Variants in PARD3 observed in about 807,000 individuals in gnomAD.
PARD3 encodes the protein partitioning defective 3 homolog.
PARD3 carries 75 observed loss-of-function variants against 155.4 expected under a neutral mutation model. The observed-to-expected ratio is 0.48, with a 90% CI of 0.40 to 0.58. The LOEUF (loss-of-function observed/expected upper bound fraction) is 0.58. Among genes scored for constraint, PARD3 ranks in the 20% least tolerant of loss-of-function variants. The pLI is 0.00. For missense variants in PARD3, 1,642 were observed against 1,721.7 expected, an observed-to-expected ratio of 0.95 and a Z score of 0.82; for synonymous variants, 576 against 610.5, an observed-to-expected ratio of 0.94 and a Z score of 0.83.
At chr10:34,353,724 T>TA (rs201785915) in intron 14 of PARD3, among the ~76,000 whole-genome samples, 1 of 147,800 alleles carries the variant, frequency 6.8e-6, no homozygotes, top group Non-Finnish European at 1.5e-5. Context: ...AATAAATAAA[T>TA]AAAAAAATAA....
chr10:34,622,510 A>G lies in PARD3; in HGVS notation c.222+73808T>C, dbSNP rs1011967466. ...CACAGGTTCAAAAATATTTGTCACA[A>G]GAGAAGTTATTCCCTCCTTGATGGT... On this transcript the variant is annotated intron_variant, in intron 2 of 24. Transcript: ENST00000374788. Among the ~76,000 whole-genome samples, 4 of 152,234 alleles carry G rather than the reference A, an allele frequency of 2.6e-5. No individual in the cohort carries two copies. In the South Asian group the frequency reaches 8.3e-4, roughly 32 times the overall value.
intron 3 of PARD3, among the ~76,000 whole-genome samples, chr10:34,490,012 A>T (rs1269934599): frequency 6.6e-6 from 1 of 152,154 alleles, no homozygotes; most frequent in East Asian, 1.9e-4. Context: ...ACATGCTCCT[A>T]TCCAGTATGC....
chr10:34,396,478 A>T (rs1057217759), intron 7 of PARD3, among the ~76,000 whole-genome samples: 2 of 152,196 alleles, frequency 1.3e-5, no homozygotes, highest in African/African-American at 4.8e-5. Flanking sequence ...ATTTTCCTTA[A>T]TGACATTTGA....
chr10:34,627,452 T>C (rs1431180682), intron 2 of PARD3, among the ~76,000 whole-genome samples: 1 of 152,150 alleles, frequency 6.6e-6, no homozygotes, highest in East Asian at 1.9e-4. Context: ...TTAATTAAGT[T>C]AAAATGAGGT....
At chr10:34,128,629 G>A (rs1299259351) in intron 23 of PARD3, among the ~76,000 whole-genome samples, 1 of 152,044 alleles carries the variant, frequency 6.6e-6, no homozygotes. Context: ...GTTGTTTAAG[G>A]GCCAACGGTA....
At chr10:34,194,991 T>G (rs1950877541) in intron 22 of PARD3, among the ~76,000 whole-genome samples, 2 of 152,236 alleles carry the variant, frequency 1.3e-5, no homozygotes, top group Non-Finnish European at 2.9e-5. Flanking sequence ...AAGCCTGTCC[T>G]GATTTTGTAC....
At chr10:34,591,711 C>T (rs1474961100) in intron 2 of PARD3, among the ~76,000 whole-genome samples, 1 of 152,086 alleles carries the variant, frequency 6.6e-6, no homozygotes, top group Non-Finnish European at 1.5e-5. Context: ...GAAATGAAGT[C>T]GCTGGTCTCA....
At chr10:34,383,535 T>C (rs16935349) in intron 8 of PARD3, among the ~76,000 whole-genome samples, 33,684 of 152,090 alleles carry the variant, frequency 0.22, 6,783 homozygotes, top group African/African-American at 0.54. Context: ...AGTGCACCCA[T>C]ACAACCAGCC....
At chr10:34,434,279 A>G (rs1364743808) in intron 5 of PARD3, among the ~76,000 whole-genome samples, 2 of 152,204 alleles carry the variant, frequency 1.3e-5, no homozygotes, top group African/African-American at 4.8e-5. Flanking sequence ...GAACATCAGG[A>G]AGACTCAAAA....
intron 2 of PARD3, among the ~76,000 whole-genome samples, chr10:34,584,145 A>T (rs187353985): frequency 1.3e-5 from 2 of 152,336 alleles, no homozygotes; most frequent in African/African-American, 4.8e-5. Context: ...TAAACTAGAC[A>T]TGAATTTGTT....
chr10:34,302,104 G>A (rs1957182497), intron 20 of PARD3, among the ~76,000 whole-genome samples: 1 of 151,952 alleles, frequency 6.6e-6, no homozygotes, highest in South Asian at 2.1e-4. Context: ...AAGCCATATC[G>A]AGTCATTTAT....
intron 4 of PARD3, among the ~76,000 whole-genome samples, chr10:34,454,523 T>A (rs1376419143): frequency 6.6e-6 from 1 of 152,110 alleles, no homozygotes; most frequent in Non-Finnish European, 1.5e-5. Context: ...AAATCAAAAA[T>A]TTTAAATCAA....
intron 16 of PARD3, among the ~76,000 whole-genome samples, chr10:34,337,993 A>G (rs987113058): frequency 6.6e-6 from 1 of 152,282 alleles, no homozygotes; most frequent in Non-Finnish European, 1.5e-5. Flanking sequence ...AACATTTATT[A>G]GAACCTATTC....
At chr10:34,167,969 G>A (rs1199301874) in intron 22 of PARD3, among the ~76,000 whole-genome samples, 1 of 152,100 alleles carries the variant, frequency 6.6e-6, no homozygotes, top group Non-Finnish European at 1.5e-5. Flanking sequence ...TGGCCTTCAT[G>A]TTCCCAGGGG....
At chr10:34,746,980 G>A (rs1012043972) in intron 1 of PARD3, among the ~76,000 whole-genome samples, 2 of 152,124 alleles carry the variant, frequency 1.3e-5, no homozygotes, top group African/African-American at 4.8e-5. Flanking sequence ...ACCCTTCCCT[G>A]CGGGGATTAG....
rs114975146 is a variant in PARD3, at chr10:34,427,885, G to C, written c.714+22432C>G. 2.6e-4 allele frequency among the ~76,000 whole-genome samples: 40 copies of C among 152,290 alleles called. No homozygotes were observed. In the South Asian group the frequency reaches 6.2e-3, roughly 24 times the overall value. Reference sequence around the variant, plus strand: ...GGAGGCGATGAAGGGGTAGGGGGAAGTGGCAACTACATAGCACAGACACAA... The same window carrying C: ...GGAGGCGATGAAGGGGTAGGGGGAACTGGCAACTACATAGCACAGACACAA... On this transcript the variant is annotated intron_variant, in intron 5 of 24. Coordinates refer to ENST00000374788, the MANE Select transcript of PARD3 (RefSeq NM_001184785.2).
chr10:34,416,719 G>A, intron 5 of PARD3, among the ~76,000 whole-genome samples: 1 of 152,146 alleles, frequency 6.6e-6, no homozygotes, highest in Admixed American at 6.5e-5. Context: ...GATAGAATAT[G>A]GAAAGTGAGA....
At chr10:34,813,942 A>G (rs1362226375) in intron 1 of PARD3, among the ~76,000 whole-genome samples, 4 of 152,260 alleles carry the variant, frequency 2.6e-5, no homozygotes, top group Non-Finnish European at 5.9e-5. Flanking sequence ...TCGGTAAAAC[A>G]ATTTAACAAA....
intron 7 of PARD3, among the ~76,000 whole-genome samples, chr10:34,391,769 G>A (rs1358715496): frequency 6.6e-6 from 1 of 152,190 alleles, no homozygotes. Context: ...CTATATTCAG[G>A]TTTAAATAGA....
Sources: allele counts gnomAD v4.1 joint callset (sites outside exome capture counted in the v4.1 genomes callset), GRCh38; gene constraint gnomAD v4.1.1; transcripts MANE v1.5; gene names NCBI Gene and HGNC (gene_info 2026-07-23, HGNC 2026-07-21).